DNAH3: variants seen among roughly 807,000 people sequenced by gnomAD.
DNAH3 encodes the protein axonemal beta dynein heavy chain 3.
In DNAH3, 332 loss-of-function variants were observed where a neutral mutation model predicts 432.5. That is an observed-to-expected ratio of 0.77 (90% CI 0.70 to 0.84). The LOEUF is 0.84. Ranked by LOEUF, DNAH3 falls within the 40% of genes least tolerant of loss-of-function variation. The pLI is 0.00. For missense variants in DNAH3, 4,861 were observed against 5,114.0 expected (o/e 0.95, Z 1.51); for synonymous variants, 1,956 against 1,900.2 (o/e 1.03, Z -0.76).
At chr16:20,991,224 G>T (rs1370223691) in intron 44 of DNAH3, among the ~76,000 whole-genome samples, 1 of 150,610 alleles carries the variant, frequency 6.6e-6, no homozygotes, top group African/African-American at 2.4e-5. Flanking sequence ...AGACACCAGG[G>T]TTTAATTGTT....
intron 42 of DNAH3, 76 bp from the exon 43 acceptor site, chr16:21,000,594 G>A: frequency 7.5e-7 from 1 of 1,339,134 alleles, no homozygotes; most frequent in South Asian, 1.4e-5. Context: ...AGAGACCTGG[G>A]TTTACATTCT....
At position 20,948,624 on chromosome 16, in the gene DNAH3, G is replaced by A. The variant is rs563157243; in HGVS notation, c.11202C>T (p.Tyr3734=). 5.0e-5 allele frequency: 80 copies of A among 1,614,128 alleles called. 2 individuals are homozygous for A. In the Middle Eastern group the frequency reaches 2.0e-3, roughly 40 times the overall value. Residue 3734 remains tyrosine (Y), a synonymous_variant, in exon 57 of 62, where the codon TAC becomes TAT. Transcript: ENST00000261383. Reference sequence around the variant, plus strand: ...CTTTGTCATCAGTCACTCTGCCTCCGTAATTACATTCCCCTGGGGACAACC... The same window carrying A: ...CTTTGTCATCAGTCACTCTGCCTCCATAATTACATTCCCCTGGGGACAACC...
At chr16:21,094,216 A>G (rs1386822328) in intron 18 of DNAH3, among the ~76,000 whole-genome samples, 1 of 152,212 alleles carries the variant, frequency 6.6e-6, no homozygotes, top group African/African-American at 2.4e-5. Flanking sequence ...TCAAACAACC[A>G]ATTAAACAAA....
intron 26 of DNAH3, among the ~76,000 whole-genome samples, chr16:21,059,405 A>G (rs2090260693): frequency 6.6e-6 from 1 of 152,344 alleles, no homozygotes; most frequent in East Asian, 1.9e-4. Context: ...CAGCAGGGTC[A>G]GTCCCCAGGA....
At chr16:20,984,029 G>GAAAAAAGAAAAAAAAAAAAAAAAAAAA (rs2086051499) in intron 48 of DNAH3, among the ~76,000 whole-genome samples, 2 of 112,138 alleles carry the variant, frequency 1.8e-5, no homozygotes, top group African/African-American at 6.9e-5. Flanking sequence ...CCTATATCCA[G>GAAAAAAGAAAAAAAAAAAAAAAAAAAA]AAAAAAAAAA....
intron 1 of DNAH3, among the ~76,000 whole-genome samples, chr16:21,148,534 C>A (rs114991845): frequency 0.025 from 3,790 of 152,004 alleles, 173 homozygotes; most frequent in African/African-American, 0.086. Flanking sequence ...ACCTCCACCC[C>A]CTAGGTTCGA....
intron 51 of DNAH3, among the ~76,000 whole-genome samples, chr16:20,971,848 G>A (rs1196323798): frequency 6.6e-6 from 1 of 152,218 alleles, no homozygotes; most frequent in South Asian, 2.1e-4. Context: ...GCAAAGTACA[G>A]CAGTTTTGAA....
intron 60 of DNAH3, among the ~76,000 whole-genome samples, chr16:20,935,698 C>G (rs2083561215): frequency 6.6e-6 from 1 of 152,012 alleles, no homozygotes; most frequent in South Asian, 2.1e-4. Context: ...CAAAAATTAG[C>G]CAGGCGTGGT....
intron 41 of DNAH3, among the ~76,000 whole-genome samples, chr16:21,013,012 A>G (rs560878052): frequency 3.2e-4 from 49 of 152,246 alleles, no homozygotes; most frequent in African/African-American, 1.2e-3. Context: ...GGGATCCTCC[A>G]TCTTGGCCTC....
rs766271766 is a variant in DNAH3, at chr16:21,125,370, C to T, written c.1209G>A (p.Lys403=). 6 of 1,592,264 alleles carry T rather than the reference C, an allele frequency of 3.8e-6. No individual in the cohort carries two copies. The South Asian group carries it at 4.6e-5, about 12-fold the overall frequency. The change falls in exon 9 of 62, where the codon AAG becomes AAA. Residue 403 remains lysine, a splice_region_variant and synonymous_variant. Transcript: ENST00000261383. ...AAAGCTGGGCGCAGGTGGGGATCCACCTGTAAAGACAGAAGGGTGTCCATG... is the reference window on the plus strand; with the variant it reads ...AAAGCTGGGCGCAGGTGGGGATCCATCTGTAAAGACAGAAGGGTGTCCATG...
intron 42 of DNAH3, among the ~76,000 whole-genome samples, chr16:21,001,192 G>A (rs1200973749): frequency 6.6e-6 from 1 of 152,106 alleles, no homozygotes; most frequent in Non-Finnish European, 1.5e-5. Flanking sequence ...TGGTATTCAG[G>A]TCCCAGTTGG....
intron 16 of DNAH3, among the ~76,000 whole-genome samples, chr16:21,103,427 A>C (rs1288877662): frequency 6.6e-6 from 1 of 151,944 alleles, no homozygotes; most frequent in Non-Finnish European, 1.5e-5. Context: ...TTTGCTGTGA[A>C]TCTGAAACTG....
intron 37 of DNAH3, among the ~76,000 whole-genome samples, chr16:21,029,526 G>T (rs969942606): frequency 1.5e-4 from 23 of 152,192 alleles, no homozygotes; most frequent in African/African-American, 5.3e-4. Flanking sequence ...CTTTACAGAT[G>T]ATGAAGTTGG....
chr16:21,068,945 G>C (rs2090674961), intron 23 of DNAH3, among the ~76,000 whole-genome samples: 1 of 150,326 alleles, frequency 6.7e-6, no homozygotes, highest in Admixed American at 6.6e-5. Context: ...TTTTTTTTGA[G>C]ACGGAGTCTT....
chr16:21,007,411 C>A (rs1226397559), intron 41 of DNAH3, among the ~76,000 whole-genome samples: 1 of 151,946 alleles, frequency 6.6e-6, no homozygotes, highest in East Asian at 1.9e-4. Context: ...TGGGGTTTCG[C>A]CATGTTGCCC....
intron 17 of DNAH3, 88 bp downstream of exon 17, chr16:21,098,528 T>C: frequency 1.5e-6 from 2 of 1,331,694 alleles, no homozygotes; most frequent in African/African-American, 3.0e-5. Flanking sequence ...ACCTAGTAGA[T>C]GCTATTAGGA....
At chr16:21,107,239 CTTTTT>C (rs5816146) in intron 14 of DNAH3, among the ~76,000 whole-genome samples, 1 of 91,306 alleles carries the variant, frequency 1.1e-5, no homozygotes, top group African/African-American at 4.0e-5. Context: ...AATTTTTAAT[CTTTTT>C]TTTTTTTTTT....
chr16:21,149,395 C>T (rs913552849), intron 1 of DNAH3, among the ~76,000 whole-genome samples: 42 of 152,196 alleles, frequency 2.8e-4, no homozygotes, highest in African/African-American at 9.4e-4. Context: ...CTGGGCACTT[C>T]GCTGTATGGC....
At chr16:21,141,333 T>A (rs776042023) in exon 4 of DNAH3, 6 of 1,592,100 alleles carry the variant, frequency 3.8e-6, no homozygotes, top group Admixed American at 1.7e-5. Flanking sequence ...GGAGGAAAAC[T>A]TCGTTTTTTT....
Sources: allele counts gnomAD v4.1 joint callset (sites outside exome capture counted in the v4.1 genomes callset), GRCh38; gene constraint gnomAD v4.1.1; transcripts MANE v1.5; gene names NCBI Gene and HGNC (gene_info 2026-07-23, HGNC 2026-07-21).